SGCD: variants seen among roughly 807,000 people sequenced by gnomAD.
SGCD encodes sarcoglycan delta.
A neutral mutation model predicts 36.6 loss-of-function variants in SGCD; 18 were observed. That is an observed-to-expected ratio of 0.49 (90% confidence interval 0.34 to 0.73). SGCD has a LOEUF of 0.73. Among genes scored for constraint, SGCD ranks in the 30% least tolerant of loss-of-function variants. The pLI is 0.01. For synonymous variants in SGCD, 133 were observed against 130.6 expected (o/e 1.02, Z -0.12); for missense variants, 387 against 346.7 (o/e 1.12, Z -0.92).
chr5:156,466,890 A>T (rs1390261519), intron 3 of SGCD, among the ~76,000 whole-genome samples: 1 of 152,170 alleles, frequency 6.6e-6, no homozygotes, highest in East Asian at 1.9e-4. Context: ...TTTAATGAAG[A>T]AAGAGGCCAC....
At chr5:156,231,548 C>A (rs2127651570) in intron 3 of SGCD, among the ~76,000 whole-genome samples, 1 of 151,926 alleles carries the variant, frequency 6.6e-6, no homozygotes, top group African/African-American at 2.4e-5. Flanking sequence ...ATAAATCAAT[C>A]AATAAATAAT....
At chr5:155,736,732 A>G in the SGCD span, among the ~76,000 whole-genome samples, 7 of 152,182 alleles carry the variant, frequency 4.6e-5, no homozygotes, top group South Asian at 8.3e-4. Context: ...TACTGTTACT[A>G]TTGCCATTTA....
the SGCD span, among the ~76,000 whole-genome samples, chr5:155,759,522 G>T: frequency 6.6e-6 from 1 of 152,130 alleles, no homozygotes; most frequent in African/African-American, 2.4e-5. Flanking sequence ...CAATGACACT[G>T]TGCTTGAAAT....
At chr5:156,106,740 C>T (rs560862468) in intron 1 of SGCD, among the ~76,000 whole-genome samples, 1 of 152,270 alleles carries the variant, frequency 6.6e-6, no homozygotes, top group Admixed American at 6.5e-5. Context: ...CTTTAGAAGA[C>T]AGATACTTAT....
intron 4 of SGCD, among the ~76,000 whole-genome samples, chr5:156,542,516 GA>G (rs1173825991): frequency 1.3e-5 from 2 of 152,028 alleles, no homozygotes; most frequent in African/African-American, 4.8e-5. Flanking sequence ...CAGCTTTCTG[GA>G]AAAAAATAAG....
chr5:156,294,710 A>G (rs893432303), intron 3 of SGCD, among the ~76,000 whole-genome samples: 9 of 152,064 alleles, frequency 5.9e-5, no homozygotes, highest in African/African-American at 2.2e-4. Flanking sequence ...AATTTTGTCA[A>G]ATGCTTTTTA....
At chr5:156,290,602 GTA>G (rs1451310552) in intron 3 of SGCD, among the ~76,000 whole-genome samples, 2 of 152,088 alleles carry the variant, frequency 1.3e-5, no homozygotes, top group African/African-American at 2.4e-5. Flanking sequence ...ATAGTTCCTG[GTA>G]CATATTAAAT....
At chr5:156,502,386 C>T (rs574982296) in intron 3 of SGCD, among the ~76,000 whole-genome samples, 2 of 152,186 alleles carry the variant, frequency 1.3e-5, no homozygotes, top group South Asian at 4.2e-4. Context: ...TTTGCTCTTT[C>T]CCAGGCTGGA....
chr5:156,589,913 C>G lies in SGCD; in HGVS notation c.382+595C>G, dbSNP rs534820996. Among the ~76,000 whole-genome samples the G allele has an allele frequency of 2.0e-5, 3 of 152,228 alleles. No homozygotes were observed. The East Asian group carries it at 5.8e-4, about 29-fold the overall frequency. On this transcript the variant is annotated intron_variant, in intron 5 of 8. Coordinates refer to ENST00000337851, the MANE Select transcript of SGCD (RefSeq NM_000337.6). ...CCCACTGTGTTTTAAACTACAAATT[C>G]CTGAAATCTAAACAAGGACTGGTTA...
chr5:156,520,481 C>G (rs1166498576), intron 4 of SGCD, among the ~76,000 whole-genome samples: 1 of 151,866 alleles, frequency 6.6e-6, no homozygotes, highest in Non-Finnish European at 1.5e-5. Context: ...CATTAAACTA[C>G]CTTTGATGTT....
chr5:156,069,495 G>C (rs1408791849), intron 1 of SGCD, among the ~76,000 whole-genome samples: 1 of 151,940 alleles, frequency 6.6e-6, no homozygotes, highest in Non-Finnish European at 1.5e-5. Context: ...CTCCATTTTG[G>C]TACCAGTACC....
At chr5:156,615,559 T>C (rs1251133059) in intron 6 of SGCD, among the ~76,000 whole-genome samples, 1 of 152,194 alleles carries the variant, frequency 6.6e-6, no homozygotes, top group Non-Finnish European at 1.5e-5. Flanking sequence ...TGGCAAATGA[T>C]AATTTCAGTG....
At chr5:156,250,361 G>GA (rs927298446) in intron 3 of SGCD, among the ~76,000 whole-genome samples, 10 of 152,152 alleles carry the variant, frequency 6.6e-5, no homozygotes, top group Non-Finnish European at 1.3e-4. Context: ...AAGGATCACT[G>GA]AAAAAATTTA....
chr5:155,968,823 T>C (rs1340357404), intron 1 of SGCD, among the ~76,000 whole-genome samples: 1 of 152,100 alleles, frequency 6.6e-6, no homozygotes, highest in East Asian at 1.9e-4. Context: ...TAGTTAAATG[T>C]GTGGGTGTGT....
chr5:155,993,458 C>T (rs777434004), intron 1 of SGCD, among the ~76,000 whole-genome samples: 41 of 151,028 alleles, frequency 2.7e-4, no homozygotes, highest in Non-Finnish European at 5.7e-4. Context: ...ATTTCTTGTG[C>T]CTCAGCCTCC....
chr5:156,078,366 C>T (rs201545541), intron 1 of SGCD, among the ~76,000 whole-genome samples: 14 of 151,206 alleles, frequency 9.3e-5, no homozygotes, highest in South Asian at 4.2e-4. Context: ...GTACAAAATT[C>T]GCCGGATGTG....
At chr5:156,407,766 A>T (rs1027222152) in intron 3 of SGCD, among the ~76,000 whole-genome samples, 4 of 152,184 alleles carry the variant, frequency 2.6e-5, no homozygotes, top group Non-Finnish European at 5.9e-5. Context: ...TTTCTCTCAC[A>T]GGTATATGAT....
chr5:156,699,953 T>C (rs1561864252), intron 7 of SGCD, among the ~76,000 whole-genome samples: 1 of 152,008 alleles, frequency 6.6e-6, no homozygotes, highest in African/African-American at 2.4e-5. Flanking sequence ...AAGTGAACAG[T>C]GGGGGAAAGT....
chr5:156,020,446 C>T (rs1412519169), intron 1 of SGCD, among the ~76,000 whole-genome samples: 4 of 152,064 alleles, frequency 2.6e-5, no homozygotes, highest in Non-Finnish European at 4.4e-5. Flanking sequence ...CACATTTTAT[C>T]ACATCATATG....
Sources: allele counts gnomAD v4.1 joint callset (sites outside exome capture counted in the v4.1 genomes callset), GRCh38; gene constraint gnomAD v4.1.1; transcripts MANE v1.5; gene names NCBI Gene and HGNC (gene_info 2026-07-23, HGNC 2026-07-21).